Variants in MAST3 observed in about 807,000 individuals in gnomAD.
The protein encoded by MAST3 is microtubule associated serine/threonine kinase 3.
A neutral mutation model predicts 127.0 loss-of-function variants in MAST3; 43 were observed. That is an observed-to-expected ratio of 0.34 (90% CI 0.27 to 0.44). The LOEUF is 0.44. MAST3 is among the 20% of genes least tolerant of loss of function. The pLI is 1.00. For synonymous variants in MAST3, 785 were observed against 809.2 expected (o/e 0.97, Z 0.51); for missense variants, 1,390 against 1,919.1 (o/e 0.72, Z 5.15).
rs1399297652 is a variant in MAST3 at position 18,124,046 on chromosome 19, C to T, written c.741C>T (p.Ile247=). The T allele has an allele frequency of 7.5e-6, 12 of 1,606,290 alleles. No individual in the cohort carries two copies. Among genetic ancestry groups the T allele is most frequent in the East Asian group, 4.5e-5 (2 of 44,434 alleles). ...DGVLGFIHHQ[I]VELARDCLAK... ...TCTTGGGCTTCATCCACCACCAGAT[C>T]GTCGAGCTGGCCCGAGACTGCTTGG... Residue 247 remains isoleucine (I), a synonymous_variant, in exon 9 of 28, where the codon ATC becomes ATT. Coordinates refer to ENST00000687212, the MANE Select transcript of MAST3 (RefSeq NM_001393504.1).
intron 19 of MAST3, among the ~76,000 whole-genome samples, chr19:18,138,072 T>G (rs1024166507): frequency 2.0e-5 from 3 of 152,028 alleles, no homozygotes; most frequent in Non-Finnish European, 4.4e-5. Flanking sequence ...TAGGCAGGCA[T>G]GGTGGTACAT....
At position 18,121,665 on chromosome 19, in the gene MAST3, GTC is replaced by G. The variant is rs2039995447; in HGVS notation, c.162-19_162-18del. 3.1e-6 allele frequency: 5 copies of G among 1,610,794 alleles called. No homozygotes were observed. The highest frequency in any genetic ancestry group is 4.2e-6 in the Non-Finnish European group (5 of 1,177,866). ...GGGGCCCTGGGCAGCCACCTACCCTGTCCCCTTTTCCCCCCACAGCTGCCGCA... is the reference window on the plus strand; with the variant it reads ...GGGGCCCTGGGCAGCCACCTACCCTGCCCTTTTCCCCCCACAGCTGCCGCA... On this transcript the variant is annotated intron_variant, in intron 3 of 27. Transcript: ENST00000687212.
chr19:18,118,044 C>T (rs993687488), intron 3 of MAST3: 11 of 930,022 alleles, frequency 1.2e-5, no homozygotes, highest in African/African-American at 1.1e-4. Context: ...GCCGCCCCCC[C>T]ATCCCCGCAG....
At position 18,121,637 on chromosome 19, in the gene MAST3, C is replaced by T. The variant is rs770936784; in HGVS notation, c.162-48C>T. 22 of 1,529,176 alleles carry T rather than the reference C, an allele frequency of 1.4e-5. 1 individual carries two copies. In the South Asian group the frequency reaches 1.6e-4, roughly 11 times the overall value. The allele number at this position is 1,529,176 out of a possible 1,614,324, so 94.7% of individuals were successfully genotyped here. A position where few individuals can be genotyped will look rare whatever the true frequency, so the allele number is the denominator to read the frequency against. ...GATTTAGGCTGGGCAGGTGGCTTAG[C>T]GCGGGGCCCTGGGCAGCCACCTACC... On this transcript the variant is annotated intron_variant, in intron 3 of 27. Transcript: ENST00000687212.
chr19:18,099,120 G>A (rs1255146307), intron 1 of MAST3, among the ~76,000 whole-genome samples: 1 of 151,894 alleles, frequency 6.6e-6, no homozygotes, highest in African/African-American at 2.4e-5. Flanking sequence ...TTGAGGGGGT[G>A]AGAGGAATGG....
In MAST3 at chr19:18,145,925, G is replaced by A. The variant is rs183970608; in HGVS notation, c.3162+60G>A. On this transcript the variant is annotated intron_variant, in intron 25 of 27. Transcript: ENST00000687212. The surrounding 1 kb of genome is among the most constrained non-coding windows in gnomAD (Gnocchi z 5.9). ...CCAGCACCCCTTGGCCGCAGCTCCC[G>A]GTTCCCCGTGGTTCTCCGCGTCCAG... 6.0e-4 allele frequency: 900 copies of A among 1,500,906 alleles called. 11 individuals are homozygous for A. In the East Asian group the frequency reaches 0.017, roughly 29 times the overall value. The allele number at this position is 1,500,906 out of a possible 1,614,324, so 93.0% of individuals were successfully genotyped here. A position where few individuals can be genotyped will look rare whatever the true frequency, so the allele number is the denominator to read the frequency against.
chr19:18,122,634 C>T lies in MAST3; in HGVS notation c.321-39C>T, dbSNP rs903361538. On this transcript the variant is annotated intron_variant, in intron 5 of 27. Transcript: ENST00000687212. Reference sequence around the variant, plus strand: ...TCTTAGTCCCCACAAACCACAGGGGCCAGGCCTTCCTTCCATCTGTTCTTG... The same window carrying T: ...TCTTAGTCCCCACAAACCACAGGGGTCAGGCCTTCCTTCCATCTGTTCTTG... 9.5e-6 allele frequency: 15 copies of T among 1,570,778 alleles called. No homozygotes were observed. In the African/African-American group the frequency reaches 1.8e-4, roughly 18 times the overall value.
rs2041699175 is a variant in MAST3, at chr19:18,134,640, C to T, written c.1633C>T (p.Leu545Phe). 6.2e-7 allele frequency: 1 copy of T among 1,613,426 alleles called. No individual in the cohort carries two copies. Among genetic ancestry groups the T allele is most frequent in the African/African-American group, 1.3e-5 (1 of 74,928 alleles). Reference sequence around the variant, plus strand: ...GGACTTCGGCCTGTCCAAGATCGGCCTCATGAGCATGGCCACCAACCTCTA... The same window carrying T: ...GGACTTCGGCCTGTCCAAGATCGGCTTCATGAGCATGGCCACCAACCTCTA... ...LTDFGLSKIG[L>F]MSMATNLYEG... The change falls in exon 16 of 28, where the codon CTC becomes TTC. Residue 545 changes from leucine (L) to phenylalanine (F), a missense_variant. Leu to Phe is a conservative substitution (Grantham distance 22). Transcript: ENST00000687212.
intron 3 of MAST3, 150 bp from the exon 4 acceptor site, chr19:18,121,535 G>C (rs2039977961): frequency 4.4e-6 from 3 of 680,276 alleles, no homozygotes; most frequent in Non-Finnish European, 7.6e-6. Flanking sequence ...TAAGGGCCAT[G>C]GGGGAACCCA....
chr19:18,150,879 C>T lies in MAST3; in HGVS notation c.*1153C>T, dbSNP rs1464613401. 1.3e-5 allele frequency: 2 copies of T among 152,268 alleles called. No homozygotes were observed. Among genetic ancestry groups the T allele is most frequent in the African/African-American group, 2.4e-5 (1 of 41,446 alleles). 9.4% of individuals were successfully genotyped at this position (152,268 alleles called of 1,614,324 possible). ...AGCCTCCAGAAATGCTCGGCTGTCT[C>T]GGGGCACGCTCCAGTATGCCAGTCC... is the stretch of plus-strand genomic sequence containing the variant. On this transcript the variant is annotated 3_prime_UTR_variant, in exon 28 of 28. Coordinates refer to ENST00000687212, the MANE Select transcript of MAST3 (RefSeq NM_001393504.1).
At chr19:18,122,400 G>A (rs1292688679) in intron 5 of MAST3, among the ~76,000 whole-genome samples, 1 of 151,594 alleles carries the variant, frequency 6.6e-6, no homozygotes, top group African/African-American at 2.4e-5. Flanking sequence ...GTGGGGGGTG[G>A]TCAATGTGTG....
At chr19:18,137,163 T>C (rs1046647198) in intron 18 of MAST3, 76 bp from the exon 19 acceptor site, 2 of 1,561,492 alleles carry the variant, frequency 1.3e-6, no homozygotes, top group East Asian at 2.3e-5. Flanking sequence ...GTGTCCAGCA[T>C]GGGCAGTGGG....
chr19:18,104,177 C>T (rs1214909290), intron 1 of MAST3, among the ~76,000 whole-genome samples: 2 of 75,118 alleles, frequency 2.7e-5, no homozygotes, highest in East Asian at 7.6e-4. Flanking sequence ...CAGACGCTGT[C>T]TCAAAAAAAA....
Position 18,110,767 on chromosome 19 carries a change from G to C in MAST3, c.161+26G>C. Reference sequence around the variant, plus strand: ...GTAAGTGACAGCGCGTGTGGGCGGGGCGCAGACATCGCCCTGGCACCCCAG... The same window carrying C: ...GTAAGTGACAGCGCGTGTGGGCGGGCCGCAGACATCGCCCTGGCACCCCAG... On this transcript the variant is annotated intron_variant, in intron 3 of 27. Transcript: ENST00000687212. This position sits in a 1 kb window ranked among gnomAD's most constrained non-coding sequence, Gnocchi z 4.3. The C allele has an allele frequency of 1.0e-6, 1 of 970,752 alleles. No individual in the cohort carries two copies. The highest frequency in any genetic ancestry group is 1.8e-5 in the African/African-American group (1 of 57,030). The allele number at this position is 970,752 out of a possible 1,614,324, so 60.1% of individuals were successfully genotyped here. A position where few individuals can be genotyped will look rare whatever the true frequency, so the allele number is the denominator to read the frequency against.
rs781550857 is a variant in MAST3, at chr19:18,128,370, T to G, written c.1079-30T>G. The G allele has an allele frequency of 3.3e-5, 51 of 1,528,816 alleles. No homozygotes were observed. In the Middle Eastern group the frequency reaches 1.2e-3, roughly 37 times the overall value. 94.7% of individuals were successfully genotyped at this position (1,528,816 alleles called of 1,614,324 possible). A position where few individuals can be genotyped will look rare whatever the true frequency, so the allele number is the denominator to read the frequency against. ...GTGATGCAGGGTGAGGCAGGGAGGC[T>G]CCAGCTGAGCCTCCTCCCTCATCTT... On this transcript the variant is annotated intron_variant, in intron 11 of 27. Transcript: ENST00000687212.
Position 18,134,869 on chromosome 19 carries a change from A to G in MAST3, c.1757A>G (p.Tyr586Cys). ...IAPEVIFRQG[Y>C]GKPVDWWAMG... ...CCCGAGGTGATCTTCCGCCAGGGCT[A>G]TGGGAAGCCAGTGGACTGGTGGGCC... Residue 586 changes from tyrosine (Y) to cysteine (C), a missense_variant, in exon 17 of 28, where the codon TAT becomes TGT. By Grantham distance (194) the Tyr-to-Cys change is radical (BLOSUM62 -2). Coordinates refer to ENST00000687212, the MANE Select transcript of MAST3 (RefSeq NM_001393504.1). The G allele has an allele frequency of 6.2e-7, 1 of 1,613,946 alleles. No individual in the cohort carries two copies. The highest frequency in any genetic ancestry group is 2.2e-5 in the East Asian group (1 of 44,870).
intron 3 of MAST3, among the ~76,000 whole-genome samples, chr19:18,115,779 C>T (rs740688): frequency 0.49 from 73,814 of 152,106 alleles, 18,457 homozygotes; most frequent in East Asian, 0.65. Flanking sequence ...GGTTTACAAA[C>T]GTAGTCCACA....
chr19:18,137,689 C>T (rs72999466), intron 19 of MAST3, among the ~76,000 whole-genome samples: 33,593 of 152,030 alleles, frequency 0.22, 3,778 homozygotes, highest in Non-Finnish European at 0.26. Flanking sequence ...GCATGGGGCC[C>T]CATCTGTTAC....
chr19:18,108,031 C>T (rs2038204928), intron 2 of MAST3, among the ~76,000 whole-genome samples: 2 of 152,178 alleles, frequency 1.3e-5, no homozygotes, highest in Admixed American at 1.3e-4. Context: ...TGGCTCCCGC[C>T]TGTAATCCCA....
Sources: gnomAD v4.1 joint callset for allele counts (sites outside exome capture counted in the v4.1 genomes callset) on GRCh38, gnomAD v4.1.1 for gene constraint, Gnocchi (gnomAD v3.1) non-coding constraint, MANE v1.5 for transcripts, NCBI Gene and HGNC (gene_info 2026-07-23, HGNC 2026-07-21) for gene names.